The following NETO1 variants were observed in gnomAD, a reference collection of about 807,000 sequenced individuals.
NETO1 encodes neuropilin and tolloid like 1, also known as neuropilin and tolloid-like protein 1.
A neutral mutation model predicts 61.3 loss-of-function variants in NETO1; 26 were observed. The observed-to-expected ratio is 0.42, with a 90% CI of 0.31 to 0.59. The LOEUF (loss-of-function observed/expected upper bound fraction) is 0.59. Ranked by LOEUF, NETO1 falls within the 20% of genes least tolerant of loss-of-function variation. The probability of loss-of-function intolerance (pLI) is 0.12; values close to 1 mark genes in which losing one functional copy is unlikely to be tolerated. For missense variants in NETO1, 531 were observed against 662.8 expected (o/e 0.80, Z 2.18); for synonymous variants, 225 against 225.8 (o/e 1.00, Z 0.03).
chr18:72,780,100 G>C (rs531211952), intron 7 of NETO1, among the ~76,000 whole-genome samples: 1 of 152,270 alleles, frequency 6.6e-6, no homozygotes, highest in East Asian at 1.9e-4. Context: ...TTGAACACAG[G>C]AATTTTTGAA....
chr18:72,829,814 C>G (rs1454242918), intron 4 of NETO1, among the ~76,000 whole-genome samples: 2 of 152,188 alleles, frequency 1.3e-5, no homozygotes, highest in African/African-American at 4.8e-5. Flanking sequence ...CAGAGCTGCT[C>G]TTGCTTTCCT....
intron 7 of NETO1, among the ~76,000 whole-genome samples, chr18:72,762,529 G>A (rs2071012110): frequency 6.6e-6 from 1 of 152,056 alleles, no homozygotes; most frequent in African/African-American, 2.4e-5. Context: ...ACACAAAAAA[G>A]TTTTGTAATT....
At chr18:72,854,835 A>C (rs2145610842) in intron 4 of NETO1, among the ~76,000 whole-genome samples, 1 of 149,888 alleles carries the variant, frequency 6.7e-6, no homozygotes, top group East Asian at 1.9e-4. Context: ...TATTCTTTCA[A>C]AAATTAAAGC....
At chr18:72,803,817 G>A (rs551152166) in intron 4 of NETO1, among the ~76,000 whole-genome samples, 29 of 146,122 alleles carry the variant, frequency 2.0e-4, no homozygotes, top group African/African-American at 4.5e-4. Context: ...GCGGAACTCC[G>A]TACCAAAAAA....
At chr18:72,750,659 A>G (rs765328700) in intron 8 of NETO1, 39 bp from the exon 9 acceptor site, 1 of 1,460,798 alleles carries the variant, frequency 6.8e-7, no homozygotes, top group Non-Finnish European at 9.3e-7. Context: ...AACGGACAAA[A>G]GAAGAAGCAA....
downstream of NETO1, among the ~76,000 whole-genome samples, chr18:72,743,150 T>C (rs1039124450): frequency 6.6e-6 from 1 of 152,210 alleles, no homozygotes; most frequent in Non-Finnish European, 1.5e-5. Context: ...TTCCTTTGGA[T>C]AGTATTCCAT....
chr18:72,770,369 A>G (rs1314760055), intron 7 of NETO1, among the ~76,000 whole-genome samples: 4 of 152,182 alleles, frequency 2.6e-5, no homozygotes, highest in East Asian at 1.9e-4. Flanking sequence ...ATGTTTCTGT[A>G]TTAATAACTA....
At chr18:72,862,402 G>A (rs930622979) in intron 3 of NETO1, among the ~76,000 whole-genome samples, 1 of 152,114 alleles carries the variant, frequency 6.6e-6, no homozygotes, top group African/African-American at 2.4e-5. Flanking sequence ...TCTCTCCACT[G>A]AGCTAGAGCT....
At chr18:72,784,813 C>A (rs191140945) in intron 6 of NETO1, among the ~76,000 whole-genome samples, 10 of 152,340 alleles carry the variant, frequency 6.6e-5, no homozygotes, top group African/African-American at 9.6e-5. Context: ...ATAATTTGTT[C>A]ATGCGTCCAT....
At chr18:72,831,640 T>C (rs1328602745) in intron 4 of NETO1, among the ~76,000 whole-genome samples, 4 of 152,248 alleles carry the variant, frequency 2.6e-5, no homozygotes, top group Non-Finnish European at 5.9e-5. Context: ...ATGTCTCAAA[T>C]GTGATAATTT....
rs543386200 is a variant in NETO1 at position 72,862,693 on chromosome 18, T to C, written c.220+2115A>G. Among the ~76,000 whole-genome samples, 15 of 148,488 alleles carry C rather than the reference T, an allele frequency of 1.0e-4. No individual in the cohort carries two copies. The South Asian group carries it at 3.2e-3, about 31-fold the overall frequency. The stretch of plus-strand genomic sequence containing the variant: ...TGGAGCGCAGTGGTGCGATCTCGGC[T>C]CACTGCAAGCTCCGCCTCCCGGGTT... On this transcript the variant is annotated intron_variant, in intron 3 of 10. Transcript: ENST00000327305.
intron 1 of NETO1, chr18:72,866,620 T>C: frequency 2.6e-6 from 2 of 757,808 alleles, no homozygotes; most frequent in Non-Finnish European, 3.2e-6. Flanking sequence ...ATCAACACTC[T>C]CATCTTTGCT....
At chr18:72,767,628 A>G (rs1171486518) in intron 7 of NETO1, among the ~76,000 whole-genome samples, 1 of 152,176 alleles carries the variant, frequency 6.6e-6, no homozygotes, top group African/African-American at 2.4e-5. Context: ...TATCAGTAAT[A>G]AAAGTCCATC....
chr18:72,805,703 T>C (rs1261128968), intron 4 of NETO1, among the ~76,000 whole-genome samples: 1 of 152,156 alleles, frequency 6.6e-6, no homozygotes, highest in Non-Finnish European at 1.5e-5. Flanking sequence ...TTGAATTCAT[T>C]ACAGACTTGT....
intron 6 of NETO1, among the ~76,000 whole-genome samples, chr18:72,784,360 GTC>G (rs1033652876): frequency 6.7e-6 from 1 of 148,236 alleles, no homozygotes; most frequent in Non-Finnish European, 1.5e-5. Flanking sequence ...CTGAAAGACA[GTC>G]TCTCTGATTT....
intron 4 of NETO1, among the ~76,000 whole-genome samples, chr18:72,847,765 T>C (rs958035000): frequency 1.3e-5 from 2 of 152,236 alleles, no homozygotes; most frequent in Non-Finnish European, 2.9e-5. Context: ...AAGTTTGGAC[T>C]GGTAGACCCA....
chr18:72,757,265 C>T (rs2070813923), intron 7 of NETO1, among the ~76,000 whole-genome samples: 1 of 152,090 alleles, frequency 6.6e-6, no homozygotes, highest in South Asian at 2.1e-4. Flanking sequence ...ACTTTCAAAA[C>T]TGTATATTAC....
At chr18:72,861,766 A>AT (rs1202235450) in intron 3 of NETO1, among the ~76,000 whole-genome samples, 1 of 152,150 alleles carries the variant, frequency 6.6e-6, no homozygotes, top group Non-Finnish European at 1.5e-5. Context: ...TCTATTTTAA[A>AT]TGTACCTTTC....
chr18:72,823,420 A>C (rs1370597504), intron 4 of NETO1, among the ~76,000 whole-genome samples: 2 of 152,152 alleles, frequency 1.3e-5, no homozygotes, highest in African/African-American at 4.8e-5. Context: ...AAGGCCTCTG[A>C]GATCACGTGA....
Sources: allele counts gnomAD v4.1 joint callset (sites outside exome capture counted in the v4.1 genomes callset), GRCh38; gene constraint gnomAD v4.1.1; transcripts MANE v1.5; gene names NCBI Gene and HGNC (gene_info 2026-07-23, HGNC 2026-07-21).